Variants in RAB11FIP4 observed in about 807,000 individuals in gnomAD.
The protein encoded by RAB11FIP4 is rab11 family-interacting protein 4.
RAB11FIP4 carries 23 observed loss-of-function variants against 74.3 expected under a neutral mutation model. The ratio of observed to expected loss-of-function variants is 0.31; its 90% CI spans 0.22 to 0.44. The LOEUF (loss-of-function observed/expected upper bound fraction) is 0.44. Among genes scored for constraint, RAB11FIP4 ranks in the 20% least tolerant of loss-of-function variants. RAB11FIP4 has a pLI of 1.00. For synonymous variants in RAB11FIP4, 360 were observed against 359.9 expected, an observed-to-expected ratio of 1.00 and a Z score of 0.00; for missense variants, 630 against 863.9, an observed-to-expected ratio of 0.73 and a Z score of 3.39.
At chr17:31,424,846 G>A (rs561177678) in intron 1 of RAB11FIP4, among the ~76,000 whole-genome samples, 2 of 152,152 alleles carry the variant, frequency 1.3e-5, no homozygotes, top group South Asian at 4.2e-4. Flanking sequence ...CAAAGTGCTG[G>A]GATTACAGGT....
rs1013011383 is a variant in RAB11FIP4, at chr17:31,512,253, A to G, written c.337-5398A>G. Reference sequence around the variant, plus strand: ...CCTACCGTGACCGACTCTCCGGTGTAAATTGTCACGTGTGGCCCCCTAGAG... The same window carrying G: ...CCTACCGTGACCGACTCTCCGGTGTGAATTGTCACGTGTGGCCCCCTAGAG... On this transcript the variant is annotated intron_variant, in intron 3 of 14. Transcript: ENST00000621161. This position sits in a 1 kb window ranked among gnomAD's most constrained non-coding sequence, Gnocchi z 4.1. 6.6e-6 allele frequency among the ~76,000 whole-genome samples: 1 copy of G among 152,074 alleles called. No homozygotes were observed. Among genetic ancestry groups the G allele is most frequent in the Non-Finnish European group, 1.5e-5 (1 of 67,994 alleles).
At chr17:31,416,094 G>A (rs1211274328) in intron 1 of RAB11FIP4, among the ~76,000 whole-genome samples, 4 of 152,222 alleles carry the variant, frequency 2.6e-5, no homozygotes, top group Non-Finnish European at 4.4e-5. Context: ...GGCAGAGCCC[G>A]CTCTCTCGGC....
chr17:31,415,215 T>G (rs2071135629), intron 1 of RAB11FIP4, among the ~76,000 whole-genome samples: 1 of 152,230 alleles, frequency 6.6e-6, no homozygotes, highest in Non-Finnish European at 1.5e-5. Flanking sequence ...ATGCTCCAGG[T>G]TGAGTGGCCC....
At chr17:31,409,262 A>G (rs906376651) in intron 1 of RAB11FIP4, among the ~76,000 whole-genome samples, 1 of 152,182 alleles carries the variant, frequency 6.6e-6, no homozygotes, top group Non-Finnish European at 1.5e-5. Context: ...ATTCTTTTGC[A>G]TATTAATAAA....
chr17:31,477,332 G>A (rs879494708), intron 3 of RAB11FIP4, among the ~76,000 whole-genome samples: 1 of 152,218 alleles, frequency 6.6e-6, no homozygotes, highest in Non-Finnish European at 1.5e-5. Flanking sequence ...CTGTGAGGAG[G>A]GGGCACTTAC....
At chr17:31,401,742 T>C (rs956738273) in intron 1 of RAB11FIP4, among the ~76,000 whole-genome samples, 5 of 152,228 alleles carry the variant, frequency 3.3e-5, no homozygotes, top group African/African-American at 9.6e-5. Context: ...AGAGGATTGA[T>C]TTGAACCAAA....
At chr17:31,459,285 C>A (rs1220611063) in intron 3 of RAB11FIP4, among the ~76,000 whole-genome samples, 1 of 152,080 alleles carries the variant, frequency 6.6e-6, no homozygotes, top group Admixed American at 6.6e-5. Flanking sequence ...GATGGATGAG[C>A]CATGTGGTCT....
At chr17:31,456,946 G>A (rs184441930) in intron 3 of RAB11FIP4, among the ~76,000 whole-genome samples, 354 of 152,272 alleles carry the variant, frequency 2.3e-3, no homozygotes, top group Admixed American at 4.7e-3. Context: ...AAGTTAAGCC[G>A]AAAGGGTTGT....
rs774118171 is a variant in RAB11FIP4 at position 31,524,028 on chromosome 17, C to T, written c.1133+32C>T. 3.8e-5 allele frequency: 58 copies of T among 1,517,530 alleles called. 1 individual carries two copies. In the Admixed American group the frequency reaches 5.8e-4, roughly 15 times the overall value. The allele number at this position is 1,517,530 out of a possible 1,614,324, so 94.0% of individuals were successfully genotyped here. ...CAGGCAGCGGCGCTGGGGGCTCGGC[C>T]GTGACGCTGGGGAACAAAGGGGGGT... On this transcript the variant is annotated intron_variant, in intron 9 of 14. Coordinates refer to ENST00000621161, the MANE Select transcript of RAB11FIP4 (RefSeq NM_032932.6).
intron 1 of RAB11FIP4, among the ~76,000 whole-genome samples, chr17:31,400,492 A>T (rs2070974500): frequency 6.6e-6 from 1 of 152,100 alleles, no homozygotes; most frequent in South Asian, 2.1e-4. Context: ...GAGATACAGG[A>T]TCAGACTTAG....
intron 3 of RAB11FIP4, chr17:31,487,883 C>G: frequency 8.3e-6 from 2 of 240,556 alleles, no homozygotes; most frequent in Non-Finnish European, 1.3e-5. Context: ...CCTGGAGCCA[C>G]CTGCCCCTAC....
intron 3 of RAB11FIP4, among the ~76,000 whole-genome samples, chr17:31,480,888 A>G (rs1290228601): frequency 6.6e-6 from 1 of 151,842 alleles, no homozygotes; most frequent in Non-Finnish European, 1.5e-5. Context: ...TTCAGAGCAC[A>G]TATTATATAT....
intron 1 of RAB11FIP4, among the ~76,000 whole-genome samples, chr17:31,405,787 C>G (rs571420523): frequency 6.4e-4 from 97 of 152,308 alleles, no homozygotes; most frequent in Admixed American, 1.7e-3. Context: ...AGAAAGCTAA[C>G]TAGCACTGAA....
intron 3 of RAB11FIP4, among the ~76,000 whole-genome samples, chr17:31,449,695 T>C (rs1387562317): frequency 1.3e-5 from 2 of 152,212 alleles, no homozygotes; most frequent in East Asian, 3.9e-4. Flanking sequence ...GCATCTGCCA[T>C]CATCCCCAGC....
intron 1 of RAB11FIP4, among the ~76,000 whole-genome samples, chr17:31,423,077 G>A (rs1056367813): frequency 2.0e-5 from 3 of 152,002 alleles, no homozygotes; most frequent in African/African-American, 7.2e-5. Flanking sequence ...CTGCCACCAC[G>A]ACCAGCTAAT....
At chr17:31,445,568 ATATATATATATTTTTT>A (rs2071451571) in intron 3 of RAB11FIP4, among the ~76,000 whole-genome samples, 8 of 12,658 alleles carry the variant, frequency 6.3e-4, no homozygotes, top group East Asian at 3.8e-3. Context: ...ATATATATAT[ATATATATATATTTTTT>A]TTTTTTTTTT....
intron 3 of RAB11FIP4, among the ~76,000 whole-genome samples, chr17:31,484,632 C>A (rs1352292824): frequency 6.6e-6 from 1 of 152,056 alleles, no homozygotes; most frequent in Non-Finnish European, 1.5e-5. Context: ...CCACCCCACC[C>A]CCCACTGGAC....
chr17:31,534,403 G>C lies in RAB11FIP4; in HGVS notation c.*2671G>C, dbSNP rs1484246570. Reference sequence around the variant, plus strand: ...CCGCCTTAACTGCCTGAGTAGCTGGGACTACAGGCATGCACCACCACGCCC... The same window carrying C: ...CCGCCTTAACTGCCTGAGTAGCTGGCACTACAGGCATGCACCACCACGCCC... On this transcript the variant is annotated 3_prime_UTR_variant, in exon 15 of 15. Transcript: ENST00000621161. 1 of 152,154 alleles carries C rather than the reference G, an allele frequency of 6.6e-6. No homozygotes were observed. Among genetic ancestry groups the C allele is most frequent in the African/African-American group, 2.4e-5 (1 of 41,398 alleles). The allele number at this position is 152,154 out of a possible 1,614,324, so 9.4% of individuals were successfully genotyped here. A position where few individuals can be genotyped will look rare whatever the true frequency, so the allele number is the denominator to read the frequency against.
chr17:31,444,998 G>A (rs996879165), intron 3 of RAB11FIP4, among the ~76,000 whole-genome samples: 8 of 152,120 alleles, frequency 5.3e-5, no homozygotes, highest in African/African-American at 1.4e-4. Context: ...GAGAAAGCAC[G>A]GTCGAAACCA....
Sources: gnomAD v4.1 joint callset for allele counts (sites outside exome capture counted in the v4.1 genomes callset) on GRCh38, gnomAD v4.1.1 for gene constraint, Gnocchi (gnomAD v3.1) non-coding constraint, MANE v1.5 for transcripts, NCBI Gene and HGNC (gene_info 2026-07-23, HGNC 2026-07-21) for gene names.